The following DLG2 variants were observed in gnomAD, a reference collection of about 807,000 sequenced individuals.
The protein encoded by DLG2 is disks large homolog 2.
In DLG2, 45 loss-of-function variants were observed where a neutral mutation model predicts 132.5. The ratio of observed to expected loss-of-function variants is 0.34; its 90% CI spans 0.27 to 0.44. The LOEUF is 0.44. Among genes scored for constraint, DLG2 ranks in the 20% least tolerant of loss-of-function variants. DLG2 has a pLI of 1.00. For synonymous variants in DLG2, 424 were observed against 419.6 expected (o/e 1.01, Z -0.13); for missense variants, 1,045 against 1,196.9 (o/e 0.87, Z 1.87).
intron 7 of DLG2, among the ~76,000 whole-genome samples, chr11:84,342,135 T>C (rs10898227): frequency 1.3e-5 from 2 of 151,942 alleles, no homozygotes; most frequent in Non-Finnish European, 2.9e-5. Flanking sequence ...TGATGGGTCA[T>C]CTGGCTGTTC....
At chr11:85,266,748 A>G (rs190818226) in intron 4 of DLG2, among the ~76,000 whole-genome samples, 1 of 152,316 alleles carries the variant, frequency 6.6e-6, no homozygotes, top group Admixed American at 6.5e-5. Context: ...AAGAATGAAG[A>G]AATAATTTAT....
Position 85,263,547 on chromosome 11 carries a change from C to G in DLG2, c.186+21673G>C, listed in dbSNP as rs959040819. 7.2e-5 allele frequency among the ~76,000 whole-genome samples: 11 copies of G among 152,330 alleles called. No individual in the cohort carries two copies. In the South Asian group the frequency reaches 2.1e-3, roughly 29 times the overall value. ...TTCACCCCTTGACCTTCAGCCTACA[C>G]CAGGGAATGGCCCTGGCCAGTTGCC... On this transcript the variant is annotated intron_variant, in intron 4 of 27. Transcript: ENST00000376104.
chr11:85,607,926 G>C lies in DLG2; in HGVS notation c.-92-9138C>G, dbSNP rs147537442. On this transcript the variant is annotated intron_variant, in intron 2 of 27. Transcript: ENST00000376104. ...CCCAATACTAACAGAAGAATGCTTA[G>C]GACTCTAACAAGTTTTCGACAATGC... Among the ~76,000 whole-genome samples the C allele has an allele frequency of 5.2e-3, 793 of 152,208 alleles. 4 individuals carry two copies. Among genetic ancestry groups the C allele is most frequent in the African/African-American group, 0.017 (710 of 41,520 alleles).
intron 5 of DLG2, among the ~76,000 whole-genome samples, chr11:85,112,742 A>T (rs938402962): frequency 6.6e-6 from 1 of 152,060 alleles, no homozygotes; most frequent in South Asian, 2.1e-4. Context: ...CTAAAACTCA[A>T]CCTACTAGAC....
intron 6 of DLG2, among the ~76,000 whole-genome samples, chr11:84,853,371 C>A (rs909384364): frequency 3.3e-5 from 5 of 151,920 alleles, no homozygotes; most frequent in African/African-American, 1.2e-4. Context: ...CACTGGGGAA[C>A]TGGTGGACTG....
chr11:85,214,023 A>T (rs2082414846), intron 4 of DLG2, among the ~76,000 whole-genome samples: 1 of 152,116 alleles, frequency 6.6e-6, no homozygotes, highest in African/African-American at 2.4e-5. Context: ...GCTCCTTTTG[A>T]ATCTCCTCCT....
intron 3 of DLG2, among the ~76,000 whole-genome samples, chr11:85,301,627 G>A (rs1312369767): frequency 6.6e-6 from 1 of 152,138 alleles, no homozygotes; most frequent in Non-Finnish European, 1.5e-5. Flanking sequence ...GGTGAACTAA[G>A]GTGGCTTCTC....
At chr11:84,909,707 A>G (rs2091890876) in intron 6 of DLG2, among the ~76,000 whole-genome samples, 1 of 152,204 alleles carries the variant, frequency 6.6e-6, no homozygotes, top group African/African-American at 2.4e-5. Flanking sequence ...ATACATGGAA[A>G]CAGGATCTCA....
chr11:84,627,396 A>T (rs2099624653), intron 6 of DLG2, among the ~76,000 whole-genome samples: 1 of 152,220 alleles, frequency 6.6e-6, no homozygotes, highest in East Asian at 1.9e-4. Context: ...TCCATTTCTG[A>T]ACTCTTACAG....
chr11:84,074,192 A>G (rs1012190970), intron 10 of DLG2, among the ~76,000 whole-genome samples: 1 of 152,160 alleles, frequency 6.6e-6, no homozygotes, highest in African/African-American at 2.4e-5. Flanking sequence ...GACAGAAGAA[A>G]TCTTGCCTCT....
intron 7 of DLG2, among the ~76,000 whole-genome samples, chr11:84,499,749 CCTCT>C (rs145968511): frequency 1.1e-4 from 16 of 148,396 alleles, no homozygotes; most frequent in African/African-American, 1.7e-4. Context: ...TATATTCCTT[CCTCT>C]CTCTCTCTCT....
intron 5 of DLG2, among the ~76,000 whole-genome samples, chr11:85,138,617 G>A (rs2076270323): frequency 6.6e-6 from 1 of 152,052 alleles, no homozygotes; most frequent in Admixed American, 6.6e-5. Flanking sequence ...GTCGTGGGAG[G>A]GACCCACGGG....
intron 6 of DLG2, among the ~76,000 whole-genome samples, chr11:84,900,811 C>G (rs1228001383): frequency 6.6e-6 from 1 of 151,958 alleles, no homozygotes; most frequent in Non-Finnish European, 1.5e-5. Context: ...TACCAAGCTT[C>G]TGATCTACAT....
chr11:83,951,624 A>G (rs1211912104), intron 14 of DLG2, among the ~76,000 whole-genome samples: 5 of 152,172 alleles, frequency 3.3e-5, no homozygotes, highest in African/African-American at 7.2e-5. Context: ...AAACTTCCTG[A>G]AGCAAAGTAT....
At chr11:84,621,591 A>G (rs1432042156) in intron 6 of DLG2, among the ~76,000 whole-genome samples, 1 of 152,212 alleles carries the variant, frequency 6.6e-6, no homozygotes, top group African/African-American at 2.4e-5. Flanking sequence ...ACTTGCTAAG[A>G]GGTCACCAAT....
chr11:84,856,451 G>A (rs73516922), intron 6 of DLG2, among the ~76,000 whole-genome samples: 1,589 of 152,150 alleles, frequency 0.01, 25 homozygotes, highest in African/African-American at 0.036. Flanking sequence ...CTCTGAAGAT[G>A]ACTCTGCCAT....
chr11:84,140,666 A>C (rs61897656), intron 9 of DLG2, among the ~76,000 whole-genome samples: 1 of 151,976 alleles, frequency 6.6e-6, no homozygotes, highest in East Asian at 1.9e-4. Flanking sequence ...TTTCCCAAAC[A>C]TTAAGGAATA....
intron 9 of DLG2, among the ~76,000 whole-genome samples, chr11:84,145,488 A>T (rs753964294): frequency 3.4e-4 from 52 of 152,246 alleles, no homozygotes; most frequent in Non-Finnish European, 3.8e-4. Context: ...ATAGGGTATT[A>T]TAATCTTATG....
At chr11:84,712,583 A>G (rs2060569709) in intron 6 of DLG2, among the ~76,000 whole-genome samples, 1 of 152,036 alleles carries the variant, frequency 6.6e-6, no homozygotes, top group Non-Finnish European at 1.5e-5. Context: ...GGTGAATTTC[A>G]AAGTGTTTGA....
Sources: gnomAD v4.1 joint callset for allele counts (sites outside exome capture counted in the v4.1 genomes callset) on GRCh38, gnomAD v4.1.1 for gene constraint, MANE v1.5 for transcripts, NCBI Gene and HGNC (gene_info 2026-07-23, HGNC 2026-07-21) for gene names.